Variants in FHIT observed in about 807,000 individuals in gnomAD.
The protein encoded by FHIT is bis(5'-adenosyl)-triphosphatase.
Under a neutral mutation model 17.9 loss-of-function variants are expected in FHIT, and 19 were observed. The ratio of observed to expected loss-of-function variants is 1.06; its 90% CI spans 0.74 to 1.56. The LOEUF is 1.56. Among genes scored for constraint, FHIT ranks in the 40% most tolerant of loss-of-function variants. The pLI, the probability that FHIT is intolerant of heterozygous loss-of-function variation, is 0.00. For synonymous variants in FHIT, 81 were observed against 69.7 expected, an observed-to-expected ratio of 1.16 and a Z score of -0.81; for missense variants, 248 against 189.2, an observed-to-expected ratio of 1.31 and a Z score of -1.82.
At chr3:61,249,278 C>T (rs886332513) in intron 1 of FHIT, among the ~76,000 whole-genome samples, 1 of 152,180 alleles carries the variant, frequency 6.6e-6, no homozygotes, top group African/African-American at 2.4e-5. Flanking sequence ...GGGCAAACTG[C>T]TTTACCACCT....
intron 2 of FHIT, among the ~76,000 whole-genome samples, chr3:61,104,862 T>C (rs1175519306): frequency 6.6e-6 from 1 of 152,166 alleles, no homozygotes; most frequent in East Asian, 1.9e-4. Flanking sequence ...TATTCTACTA[T>C]TAATACTTGT....
intron 5 of FHIT, among the ~76,000 whole-genome samples, chr3:60,508,446 G>A (rs541783264): frequency 2.2e-4 from 33 of 152,216 alleles, no homozygotes; most frequent in African/African-American, 6.7e-4. Context: ...AGTTACAGGT[G>A]GAAACTGTTA....
At chr3:61,230,825 T>C (rs1481274868) in intron 1 of FHIT, among the ~76,000 whole-genome samples, 1 of 152,236 alleles carries the variant, frequency 6.6e-6, no homozygotes, top group Non-Finnish European at 1.5e-5. Flanking sequence ...TTACAGCCTC[T>C]GAAATTCTAA....
chr3:60,689,125 C>A (rs1553699089), intron 4 of FHIT, among the ~76,000 whole-genome samples: 4 of 152,160 alleles, frequency 2.6e-5, no homozygotes, highest in African/African-American at 9.7e-5. Flanking sequence ...ACAGGAGTTT[C>A]CCTGCACAAG....
intron 5 of FHIT, among the ~76,000 whole-genome samples, chr3:60,246,597 A>G (rs1276782995): frequency 6.6e-6 from 1 of 152,154 alleles, no homozygotes; most frequent in Non-Finnish European, 1.5e-5. Context: ...GACCTGCAGA[A>G]CAAATTTTAA....
At chr3:60,757,651 T>G (rs1006885303) in intron 4 of FHIT, among the ~76,000 whole-genome samples, 1 of 152,158 alleles carries the variant, frequency 6.6e-6, no homozygotes, top group Non-Finnish European at 1.5e-5. Context: ...GGTGGACATG[T>G]GTAGTATAAG....
intron 5 of FHIT, among the ~76,000 whole-genome samples, chr3:60,407,353 T>C (rs242209): frequency 0.53 from 80,607 of 151,740 alleles, 22,314 homozygotes; most frequent in Non-Finnish European, 0.62. Flanking sequence ...CAGTTTCTTA[T>C]TCATCAATTC....
At chr3:60,991,668 T>TA (rs1394352872) in intron 3 of FHIT, among the ~76,000 whole-genome samples, 16 of 152,208 alleles carry the variant, frequency 1.1e-4, no homozygotes, top group Admixed American at 9.8e-4. Context: ...TCAAACTTAC[T>TA]AAAGTCTTCA....
intron 8 of FHIT, among the ~76,000 whole-genome samples, chr3:59,880,925 T>C (rs1207135778): frequency 6.6e-6 from 1 of 152,200 alleles, no homozygotes. Context: ...TAAGCCTCTT[T>C]GAGCAATGCC....
intron 8 of FHIT, among the ~76,000 whole-genome samples, chr3:59,803,321 T>C (rs1398328820): frequency 2.0e-5 from 3 of 152,192 alleles, no homozygotes; most frequent in African/African-American, 7.2e-5. Context: ...AATGAGGACC[T>C]TACAGGCGAG....
intron 3 of FHIT, among the ~76,000 whole-genome samples, chr3:60,864,813 T>C (rs1475124382): frequency 1.3e-5 from 2 of 152,136 alleles, no homozygotes; most frequent in Non-Finnish European, 2.9e-5. Flanking sequence ...AGCCCACAAG[T>C]ATAATGACAC....
At chr3:59,902,670 A>G (rs185742614) in intron 8 of FHIT, among the ~76,000 whole-genome samples, 209 of 152,350 alleles carry the variant, frequency 1.4e-3, no homozygotes, top group African/African-American at 4.7e-3. Flanking sequence ...AGAAGACATT[A>G]TGCCAAGTGG....
chr3:60,180,039 T>A (rs1474884732), intron 5 of FHIT, among the ~76,000 whole-genome samples: 1 of 152,098 alleles, frequency 6.6e-6, no homozygotes, highest in Non-Finnish European at 1.5e-5. Flanking sequence ...ATATGGCCAA[T>A]GGAAATTACA....
intron 5 of FHIT, among the ~76,000 whole-genome samples, chr3:60,177,968 A>T (rs538459247): frequency 4.6e-5 from 7 of 152,344 alleles, no homozygotes; most frequent in East Asian, 3.9e-4. Flanking sequence ...AAAGAAAGTT[A>T]ATAGTGTGAC....
intron 4 of FHIT, among the ~76,000 whole-genome samples, chr3:60,816,110 A>T (rs11716669): frequency 0.32 from 49,205 of 151,980 alleles, 8,759 homozygotes; most frequent in Middle Eastern, 0.4. Context: ...AACTTTACTG[A>T]AGTTGTTTCT....
At chr3:59,970,789 G>T (rs1481668365) in intron 7 of FHIT, among the ~76,000 whole-genome samples, 3 of 151,534 alleles carry the variant, frequency 2.0e-5, no homozygotes, top group Non-Finnish European at 4.4e-5. Flanking sequence ...ACACAGCTTG[G>T]GGCGAATTAA....
chr3:60,924,975 T>A (rs6446164), intron 3 of FHIT, among the ~76,000 whole-genome samples: 91,576 of 151,908 alleles, frequency 0.6, 27,912 homozygotes, highest in East Asian at 0.73. Flanking sequence ...GAAGATCAAA[T>A]GAATGAAATG....
Position 60,610,239 on chromosome 3 carries a change from A to G in FHIT, c.-17-73260T>C, listed in dbSNP as rs118168170. On this transcript the variant is annotated intron_variant, in intron 4 of 9. Coordinates refer to ENST00000492590, the MANE Select transcript of FHIT (RefSeq NM_002012.4). ...ATTGCCAAGGGTAAGTTATGTGATA[A>G]GTTTCCAGATGTACCCACCTTCATT... is the stretch of plus-strand genomic sequence containing the variant. Among the ~76,000 whole-genome samples, 3 of 152,302 alleles carry G rather than the reference A, an allele frequency of 2.0e-5. No individual in the cohort carries two copies. In the East Asian group the frequency reaches 5.8e-4, roughly 29 times the overall value.
At chr3:60,476,281 T>A (rs1156353915) in intron 5 of FHIT, among the ~76,000 whole-genome samples, 1 of 152,190 alleles carries the variant, frequency 6.6e-6, no homozygotes, top group Non-Finnish European at 1.5e-5. Context: ...ATGGAGAGAC[T>A]GGAACACAGG....
Sources: gnomAD v4.1 joint callset for allele counts (sites outside exome capture counted in the v4.1 genomes callset) on GRCh38, gnomAD v4.1.1 for gene constraint, MANE v1.5 for transcripts, NCBI Gene and HGNC (gene_info 2026-07-23, HGNC 2026-07-21) for gene names.